Variants in SNTG2 observed in about 807,000 individuals in gnomAD.
SNTG2 encodes syntrophin gamma 2.
A neutral mutation model predicts 70.9 loss-of-function variants in SNTG2; 74 were observed. That is an observed-to-expected ratio of 1.04 (90% CI 0.86 to 1.27). The LOEUF is 1.27. Among genes scored for constraint, SNTG2 ranks in the 50% most tolerant of loss-of-function variants. SNTG2 has a pLI of 0.00. For synonymous variants in SNTG2, 278 were observed against 273.8 expected (o/e 1.02, Z -0.15); for missense variants, 717 against 690.7 (o/e 1.04, Z -0.43).
At chr2:1,232,696 C>T (rs1336838272) in intron 9 of SNTG2, among the ~76,000 whole-genome samples, 3 of 152,068 alleles carry the variant, frequency 2.0e-5, no homozygotes, top group South Asian at 2.1e-4. Context: ...AATGCCACTG[C>T]ATGACAGGGA....
At chr2:1,017,991 C>T (rs1659963687) in intron 1 of SNTG2, among the ~76,000 whole-genome samples, 1 of 152,184 alleles carries the variant, frequency 6.6e-6, no homozygotes, top group African/African-American at 2.4e-5. Flanking sequence ...GGGTTTCGTC[C>T]ATCCCTTTTC....
At chr2:1,316,185 C>G (rs1681269786) in intron 15 of SNTG2, 80 bp from the exon 16 acceptor site, 1 of 638,968 alleles carries the variant, frequency 1.6e-6, no homozygotes. Context: ...TTTAACGAGG[C>G]TGTTTAATGT....
intron 1 of SNTG2, among the ~76,000 whole-genome samples, chr2:1,007,895 C>G (rs576413263): frequency 1.0e-3 from 155 of 152,172 alleles, no homozygotes; most frequent in Non-Finnish European, 1.9e-3. Context: ...GCTGGGATTA[C>G]AGATGACTGC....
intron 7 of SNTG2, among the ~76,000 whole-genome samples, chr2:1,169,120 T>G (rs1219770630): frequency 2.0e-5 from 3 of 152,078 alleles, no homozygotes; most frequent in Non-Finnish European, 2.9e-5. Context: ...GCAGCGTGAG[T>G]GTCTGCAGAT....
chr2:1,262,977 A>G (rs1678527392), intron 13 of SNTG2: 1 of 152,274 alleles, frequency 6.6e-6, no homozygotes, highest in African/African-American at 2.4e-5. Flanking sequence ...TAAAGGAGCT[A>G]CAGGAACTAT....
intron 14 of SNTG2, among the ~76,000 whole-genome samples, chr2:1,275,868 G>C (rs1342083064): frequency 6.6e-6 from 1 of 152,230 alleles, no homozygotes; most frequent in Non-Finnish European, 1.5e-5. Context: ...TGCTACTCCA[G>C]TGAACTCATG....
intron 6 of SNTG2, among the ~76,000 whole-genome samples, chr2:1,150,768 C>T (rs1669428210): frequency 6.6e-6 from 1 of 152,148 alleles, no homozygotes; most frequent in South Asian, 2.1e-4. Context: ...GAGACTTCAG[C>T]CTTTTCTAGT....
At chr2:1,350,690 T>C (rs1291254687) in intron 16 of SNTG2, among the ~76,000 whole-genome samples, 1 of 152,088 alleles carries the variant, frequency 6.6e-6, no homozygotes, top group African/African-American at 2.4e-5. Flanking sequence ...TTGTAAGAAG[T>C]CTATTTTATT....
intron 16 of SNTG2, among the ~76,000 whole-genome samples, chr2:1,325,980 C>A (rs572585781): frequency 9.9e-5 from 15 of 152,006 alleles, no homozygotes; most frequent in African/African-American, 3.6e-4. Flanking sequence ...ATTACAGGCA[C>A]CTGTGACCAC....
At chr2:1,274,860 C>G (rs996552682) in intron 14 of SNTG2, among the ~76,000 whole-genome samples, 1 of 152,172 alleles carries the variant, frequency 6.6e-6, no homozygotes, top group African/African-American at 2.4e-5. Context: ...GTTGCTGTAA[C>G]AGAATAGCTG....
intron 8 of SNTG2, among the ~76,000 whole-genome samples, chr2:1,205,393 A>G (rs1673569241): frequency 6.6e-6 from 1 of 152,218 alleles, no homozygotes; most frequent in South Asian, 2.1e-4. Context: ...ACCTCCATTC[A>G]GAATGTTTAT....
At chr2:951,599 C>A (rs1422997988) in intron 1 of SNTG2, among the ~76,000 whole-genome samples, 1 of 152,208 alleles carries the variant, frequency 6.6e-6, no homozygotes, top group African/African-American at 2.4e-5. Flanking sequence ...CTGGGTAATA[C>A]GGATTTCTTT....
At chr2:995,624 G>A (rs1432086776) in intron 1 of SNTG2, among the ~76,000 whole-genome samples, 1 of 152,032 alleles carries the variant, frequency 6.6e-6, no homozygotes, top group East Asian at 1.9e-4. Flanking sequence ...TGAAGAATTT[G>A]TATTCATTAT....
rs563770131 is a variant in SNTG2, at chr2:992,615, A to G, written c.72+41547A>G. 8.0e-4 allele frequency among the ~76,000 whole-genome samples: 122 copies of G among 152,330 alleles called. 1 individual carries two copies. Among genetic ancestry groups the G allele is most frequent in the African/African-American group, 2.8e-3 (118 of 41,562 alleles). ...TGAATAACTTTGGAATATCTTCCCAATTTACAAGAGTGAGATTAGGACCAG... is the reference window on the plus strand; with the variant it reads ...TGAATAACTTTGGAATATCTTCCCAGTTTACAAGAGTGAGATTAGGACCAG... On this transcript the variant is annotated intron_variant, in intron 1 of 16. Coordinates refer to ENST00000308624, the MANE Select transcript of SNTG2 (RefSeq NM_018968.4).
Position 1,040,424 on chromosome 2 carries a change from C to T in SNTG2, c.73-43094C>T, listed in dbSNP as rs534607994. On this transcript the variant is annotated intron_variant, in intron 1 of 16. Transcript: ENST00000308624. ...CCTCCTGTCTTTCTCCAGCTTTCCC[C>T]TTCCCGCCACCTCTGCTTTCAGTAC... Among the ~76,000 whole-genome samples the T allele has an allele frequency of 4.3e-4, 66 of 152,306 alleles. 1 individual carries two copies. Among genetic ancestry groups the T allele is most frequent in the African/African-American group, 1.5e-3 (62 of 41,570 alleles).
intron 14 of SNTG2, among the ~76,000 whole-genome samples, chr2:1,293,709 A>G (rs1425697016): frequency 6.6e-6 from 1 of 152,112 alleles, no homozygotes; most frequent in East Asian, 1.9e-4. Flanking sequence ...CAAAAAAAAA[A>G]GATAATTGAT....
intron 8 of SNTG2, among the ~76,000 whole-genome samples, chr2:1,202,195 G>A (rs1035885700): frequency 6.6e-6 from 1 of 152,018 alleles, no homozygotes; most frequent in African/African-American, 2.4e-5. Context: ...TCTTTTCTCA[G>A]TTTTCTTTCA....
chr2:1,279,531 T>C (rs1322169080), intron 14 of SNTG2, among the ~76,000 whole-genome samples: 1 of 152,198 alleles, frequency 6.6e-6, no homozygotes, highest in Non-Finnish European at 1.5e-5. Context: ...TAAGGTTTTG[T>C]GTGGGGGCTG....
At chr2:1,215,323 C>T (rs1674307527) in intron 9 of SNTG2, among the ~76,000 whole-genome samples, 1 of 152,114 alleles carries the variant, frequency 6.6e-6, no homozygotes, top group Admixed American at 6.5e-5. Context: ...ATAAGTTTTT[C>T]ACTATTTATT....
Sources: gnomAD v4.1 joint callset for allele counts (sites outside exome capture counted in the v4.1 genomes callset) on GRCh38, gnomAD v4.1.1 for gene constraint, MANE v1.5 for transcripts, NCBI Gene and HGNC (gene_info 2026-07-23, HGNC 2026-07-21) for gene names.